The following RBKS variants were observed in gnomAD, a reference collection of about 807,000 sequenced individuals.
RBKS encodes ribokinase.
A neutral mutation model predicts 33.9 loss-of-function variants in RBKS; 33 were observed. The ratio of observed to expected loss-of-function variants is 0.97; its 90% CI spans 0.74 to 1.30. The LOEUF is 1.30. Ranked by LOEUF, RBKS falls within the 50% of genes most tolerant of loss-of-function variation. The probability of loss-of-function intolerance (pLI) is 0.00; values close to 1 mark genes in which losing one functional copy is unlikely to be tolerated. For synonymous variants in RBKS, 125 were observed against 143.0 expected (o/e 0.87, Z 0.90); for missense variants, 361 against 392.6 (o/e 0.92, Z 0.68).
At chr2:27,875,335 G>A (rs1350101841) in intron 1 of RBKS, among the ~76,000 whole-genome samples, 1 of 152,148 alleles carries the variant, frequency 6.6e-6, no homozygotes, top group Non-Finnish European at 1.5e-5. Flanking sequence ...ATAGCTTTAG[G>A]TTAGGAGTTC....
intron 1 of RBKS, among the ~76,000 whole-genome samples, chr2:27,876,854 C>A (rs1411307042): frequency 1.3e-5 from 2 of 152,090 alleles, no homozygotes; most frequent in Non-Finnish European, 2.9e-5. Flanking sequence ...GAAAAAAATT[C>A]TAAAGGACAA....
At chr2:27,889,646 T>C (rs1214335296) in intron 1 of RBKS, among the ~76,000 whole-genome samples, 3 of 152,254 alleles carry the variant, frequency 2.0e-5, no homozygotes, top group African/African-American at 7.2e-5. Flanking sequence ...AGGTTGTAAA[T>C]ACTGTGTTTA....
At chr2:27,853,035 G>C (rs1168646596) in intron 2 of RBKS, among the ~76,000 whole-genome samples, 2 of 152,090 alleles carry the variant, frequency 1.3e-5, no homozygotes, top group African/African-American at 4.8e-5. Context: ...AAAGCTTGCT[G>C]GTTGTTTAAA....
intron 7 of RBKS, among the ~76,000 whole-genome samples, chr2:27,784,677 G>A (rs1359177678): frequency 6.6e-6 from 1 of 152,188 alleles, no homozygotes; most frequent in African/African-American, 2.4e-5. Context: ...GAGACCATGA[G>A]TGGCGTTAAG....
intron 1 of RBKS, among the ~76,000 whole-genome samples, chr2:27,879,730 A>C (rs757640218): frequency 6.6e-6 from 1 of 152,204 alleles, no homozygotes; most frequent in Non-Finnish European, 1.5e-5. Flanking sequence ...CACAAACTAG[A>C]AAAGTCAGAA....
intron 7 of RBKS, among the ~76,000 whole-genome samples, chr2:27,803,843 T>C (rs1480896697): frequency 6.6e-6 from 1 of 152,056 alleles, no homozygotes; most frequent in East Asian, 1.9e-4. Context: ...GGTCAGGAGT[T>C]TGAGACCAGC....
chr2:27,796,346 T>C (rs574453131), intron 7 of RBKS, among the ~76,000 whole-genome samples: 8 of 152,342 alleles, frequency 5.3e-5, no homozygotes, highest in African/African-American at 1.7e-4. Flanking sequence ...TTCTCATTGA[T>C]ACAACATGAT....
At chr2:27,864,815 C>T (rs533326698) in intron 1 of RBKS, among the ~76,000 whole-genome samples, 1 of 152,332 alleles carries the variant, frequency 6.6e-6, no homozygotes, top group South Asian at 2.1e-4. Context: ...TCACACACAG[C>T]TGCTGCTCCT....
intron 7 of RBKS, among the ~76,000 whole-genome samples, chr2:27,791,574 G>A (rs1248692554): frequency 3.3e-5 from 5 of 150,572 alleles, no homozygotes; most frequent in African/African-American, 9.8e-5. Flanking sequence ...GGGCCTTCAT[G>A]GCTTCCATAA....
chr2:27,818,501 C>T (rs747809768), intron 7 of RBKS, among the ~76,000 whole-genome samples: 7 of 152,090 alleles, frequency 4.6e-5, no homozygotes, highest in South Asian at 2.1e-4. Flanking sequence ...ATAGGCAGAC[C>T]GACCAACTTA....
intron 5 of RBKS, among the ~76,000 whole-genome samples, chr2:27,839,421 A>G (rs1233426048): frequency 6.6e-6 from 1 of 152,086 alleles, no homozygotes; most frequent in African/African-American, 2.4e-5. Flanking sequence ...CAGTGGGCCT[A>G]CCTCATAGCT....
intron 1 of RBKS, among the ~76,000 whole-genome samples, chr2:27,884,059 T>TACTG (rs1664475831): frequency 6.6e-6 from 1 of 152,240 alleles, no homozygotes; most frequent in Non-Finnish European, 1.5e-5. Context: ...ATTCCTCGAA[T>TACTG]ACTGGGAAAG....
intron 7 of RBKS, among the ~76,000 whole-genome samples, chr2:27,792,560 CT>C (rs1264836707): frequency 6.6e-6 from 1 of 152,194 alleles, no homozygotes; most frequent in Admixed American, 6.5e-5. Context: ...GGTGCTCAAT[CT>C]TTTTACCTAA....
chr2:27,866,976 C>T lies in RBKS; in HGVS notation c.90-8405G>A, dbSNP rs145419257. 7.3e-3 allele frequency among the ~76,000 whole-genome samples: 1,112 copies of T among 151,732 alleles called. 9 individuals carry two copies. The highest frequency in any genetic ancestry group is 0.021 in the South Asian group (102 of 4,810). On this transcript the variant is annotated intron_variant, in intron 1 of 7. Coordinates refer to ENST00000302188, the MANE Select transcript of RBKS (RefSeq NM_022128.3). ...AAAATTAGCTGGGTATGGTGGCGTG[C>T]ACCTGTGGTCGCAGCTACTTGGGAG...
intron 7 of RBKS, among the ~76,000 whole-genome samples, chr2:27,786,908 T>C (rs1010794124): frequency 1.3e-5 from 2 of 152,218 alleles, no homozygotes; most frequent in Non-Finnish European, 2.9e-5. Context: ...TGGAACTGTG[T>C]GTGCTGGAAG....
intron 6 of RBKS, among the ~76,000 whole-genome samples, chr2:27,831,464 T>A (rs1678412477): frequency 6.6e-6 from 1 of 152,194 alleles, no homozygotes; most frequent in Non-Finnish European, 1.5e-5. Context: ...TGATCGCTAT[T>A]TCCCACAATT....
At chr2:27,883,532 T>G (rs1337684448) in intron 1 of RBKS, among the ~76,000 whole-genome samples, 3 of 151,954 alleles carry the variant, frequency 2.0e-5, no homozygotes, top group South Asian at 4.1e-4. Context: ...TTTAGCACAC[T>G]ATAAGTATTT....
chr2:27,802,101 G>A (rs1677808156), intron 7 of RBKS, among the ~76,000 whole-genome samples: 1 of 140,650 alleles, frequency 7.1e-6, no homozygotes, highest in African/African-American at 2.7e-5. Flanking sequence ...GCCTCCCAAA[G>A]TGTTGGGATT....
chr2:27,799,871 T>G (rs995941015), intron 7 of RBKS, among the ~76,000 whole-genome samples: 1 of 152,172 alleles, frequency 6.6e-6, no homozygotes, highest in Non-Finnish European at 1.5e-5. Context: ...GTTCTAAAAA[T>G]GGGGCTTCTG....
Sources: allele counts gnomAD v4.1 joint callset (sites outside exome capture counted in the v4.1 genomes callset), GRCh38; gene constraint gnomAD v4.1.1; transcripts MANE v1.5; gene names NCBI Gene and HGNC (gene_info 2026-07-23, HGNC 2026-07-21).